SHLD1: variants seen among roughly 807,000 people sequenced by gnomAD.
The protein encoded by SHLD1 is RINN1-REV7-interacting novel NHEJ regulator 3.
A neutral mutation model predicts 5.5 loss-of-function variants in SHLD1; 3 were observed. The observed-to-expected ratio is 0.54, with a 90% CI of 0.25 to 1.40. SHLD1 has a LOEUF of 1.40. Ranked by LOEUF, SHLD1 falls within the 40% of genes most tolerant of loss-of-function variation. The probability of loss-of-function intolerance (pLI) is 0.15; values close to 1 mark genes in which losing one functional copy is unlikely to be tolerated. For synonymous variants in SHLD1, 92 were observed against 94.3 expected (o/e 0.98, Z 0.14); for missense variants, 210 against 244.4 (o/e 0.86, Z 0.94).
intron 2 of SHLD1, 167 bp downstream of exon 2, chr20:5,773,210 G>T: frequency 1.3e-6 from 1 of 790,700 alleles, no homozygotes; most frequent in South Asian, 1.4e-5. Context: ...AACTTCAAAG[G>T]ACAGCTTACC....
intron 2 of SHLD1, among the ~76,000 whole-genome samples, chr20:5,849,942 G>A (rs1412433401): frequency 3.6e-5 from 5 of 140,734 alleles, no homozygotes; most frequent in African/African-American, 1.4e-4. Flanking sequence ...GTCCGGCCTG[G>A]GCGACAGAGC....
chr20:5,838,636 C>T (rs1180771848), intron 2 of SHLD1, among the ~76,000 whole-genome samples: 2 of 152,128 alleles, frequency 1.3e-5, no homozygotes, highest in African/African-American at 4.8e-5. Flanking sequence ...TGGCAGGTGC[C>T]TGTAATCCCA....
chr20:5,793,049 TGAG>T (rs1167374727), intron 2 of SHLD1, among the ~76,000 whole-genome samples: 1 of 152,148 alleles, frequency 6.6e-6, no homozygotes, highest in Non-Finnish European at 1.5e-5. Flanking sequence ...TTTTCCCTAT[TGAG>T]TAGTCTTGGC....
At chr20:5,804,406 G>GA (rs1024152750) in intron 2 of SHLD1, among the ~76,000 whole-genome samples, 14 of 147,062 alleles carry the variant, frequency 9.5e-5, no homozygotes, top group Admixed American at 2.0e-4. Flanking sequence ...AAAAAAACTA[G>GA]AAAAAAAAAC....
At chr20:5,779,597 C>A (rs1344440331) in intron 2 of SHLD1, among the ~76,000 whole-genome samples, 1 of 152,188 alleles carries the variant, frequency 6.6e-6, no homozygotes, top group East Asian at 1.9e-4. Context: ...TTAACACCTC[C>A]AGTTCCCAAG....
intron 1 of SHLD1, among the ~76,000 whole-genome samples, chr20:5,765,958 T>G (rs1984810400): frequency 1.3e-5 from 2 of 151,938 alleles, no homozygotes; most frequent in Non-Finnish European, 2.9e-5. Context: ...CAGTTTGTGA[T>G]GTATTTGGCA....
At chr20:5,764,126 CAAAAAA>C (rs766327106) in intron 1 of SHLD1, among the ~76,000 whole-genome samples, 1 of 53,242 alleles carries the variant, frequency 1.9e-5, no homozygotes, top group Non-Finnish European at 3.6e-5. Flanking sequence ...GGCTCTGTCT[CAAAAAA>C]AAAAAAAATA....
At chr20:5,771,263 T>A (rs1460520378) in intron 1 of SHLD1, among the ~76,000 whole-genome samples, 2 of 152,220 alleles carry the variant, frequency 1.3e-5, no homozygotes, top group Non-Finnish European at 2.9e-5. Flanking sequence ...AGAGGCCAGT[T>A]TTATTGCAAT....
At chr20:5,817,430 C>CTG (rs1348723186) in intron 2 of SHLD1, among the ~76,000 whole-genome samples, 232 of 99,548 alleles carry the variant, frequency 2.3e-3, no homozygotes, top group African/African-American at 8.7e-3. Context: ...CTCTCTCTCT[C>CTG]TCTGTGTGTG....
intron 2 of SHLD1, among the ~76,000 whole-genome samples, chr20:5,841,144 A>G (rs1013511313): frequency 2.6e-5 from 4 of 151,654 alleles, no homozygotes; most frequent in Non-Finnish European, 5.9e-5. Flanking sequence ...TTTCTATGCC[A>G]CATCCATAAC....
chr20:5,832,198 C>T (rs886794250), intron 2 of SHLD1, among the ~76,000 whole-genome samples: 2 of 152,202 alleles, frequency 1.3e-5, no homozygotes, highest in African/African-American at 4.8e-5. Flanking sequence ...ACCTTGGCTT[C>T]CCAAAGTGCT....
At chr20:5,848,720 C>T (rs1233124784) in intron 2 of SHLD1, among the ~76,000 whole-genome samples, 1 of 152,204 alleles carries the variant, frequency 6.6e-6, no homozygotes, top group African/African-American at 2.4e-5. Context: ...CAAATCAGAA[C>T]ATTGGTCTTA....
At chr20:5,753,825 C>T (rs185574567) in intron 1 of SHLD1, among the ~76,000 whole-genome samples, 2 of 152,316 alleles carry the variant, frequency 1.3e-5, no homozygotes, top group African/African-American at 4.8e-5. Context: ...TCCTCAAGCT[C>T]ATCTATAAAA....
chr20:5,753,332 G>T (rs993668456), intron 1 of SHLD1, among the ~76,000 whole-genome samples: 1 of 152,114 alleles, frequency 6.6e-6, no homozygotes, highest in South Asian at 2.1e-4. Flanking sequence ...CATAGAGACA[G>T]GGTCTTGCCG....
chr20:5,777,103 C>T (rs1985466346), intron 2 of SHLD1, among the ~76,000 whole-genome samples: 1 of 152,044 alleles, frequency 6.6e-6, no homozygotes, highest in African/African-American at 2.4e-5. Flanking sequence ...ATTCTCCTGC[C>T]TCAGCCTCCT....
At chr20:5,835,519 G>A (rs988051379) in intron 2 of SHLD1, among the ~76,000 whole-genome samples, 5 of 152,088 alleles carry the variant, frequency 3.3e-5, no homozygotes, top group African/African-American at 1.2e-4. Context: ...GGGGAACTGG[G>A]GAAGGCTTCC....
intron 2 of SHLD1, among the ~76,000 whole-genome samples, chr20:5,790,135 C>T (rs1176691740): frequency 6.6e-6 from 1 of 152,174 alleles, no homozygotes; most frequent in African/African-American, 2.4e-5. Flanking sequence ...CCTCCCTCCC[C>T]TGCCTACATT....
intron 2 of SHLD1, among the ~76,000 whole-genome samples, chr20:5,808,485 C>G (rs181257700): frequency 3.7e-4 from 57 of 152,286 alleles, no homozygotes; most frequent in Non-Finnish European, 7.3e-4. Flanking sequence ...AAAATATTAT[C>G]TTGCATCTTG....
intron 2 of SHLD1, among the ~76,000 whole-genome samples, chr20:5,844,816 A>C: frequency 9.5e-6 from 1 of 105,592 alleles, no homozygotes; most frequent in African/African-American, 4.1e-5. Flanking sequence ...TTTTTTTGAG[A>C]CACAGTCTCA....
Sources: allele counts gnomAD v4.1 joint callset (sites outside exome capture counted in the v4.1 genomes callset), GRCh38; gene constraint gnomAD v4.1.1; transcripts MANE v1.5; gene names NCBI Gene and HGNC (gene_info 2026-07-23, HGNC 2026-07-21).